The following PCCA variants were observed in gnomAD, a reference collection of about 807,000 sequenced individuals.
PCCA encodes the protein propionyl-CoA carboxylase subunit alpha.
Under a neutral mutation model 101.3 loss-of-function variants are expected in PCCA, and 74 were observed. That is an observed-to-expected ratio of 0.73 (90% CI 0.61 to 0.89). PCCA has a LOEUF of 0.89. Ranked by LOEUF, PCCA falls within the 40% of genes least tolerant of loss-of-function variation. The probability of loss-of-function intolerance (pLI) is 0.00; values close to 1 mark genes in which losing one functional copy is unlikely to be tolerated. For missense variants in PCCA, 891 were observed against 907.0 expected (o/e 0.98, Z 0.23); for synonymous variants, 294 against 313.6 (o/e 0.94, Z 0.66).
intron 1 of PCCA, among the ~76,000 whole-genome samples, chr13:100,097,838 C>A (rs1026190319): frequency 3.3e-5 from 5 of 152,198 alleles, no homozygotes; most frequent in African/African-American, 1.2e-4. Flanking sequence ...ATAGTGAGAA[C>A]CCCCCAGCCG....
chr13:100,493,905 A>G (rs1422365583), intron 21 of PCCA, among the ~76,000 whole-genome samples: 1 of 152,204 alleles, frequency 6.6e-6, no homozygotes, highest in Non-Finnish European at 1.5e-5. Flanking sequence ...AGAAGCAAAC[A>G]TTTGGCTGGG....
At chr13:100,235,719 GA>G (rs904028358) in intron 7 of PCCA, 122 bp from the exon 8 acceptor site, 1 of 729,830 alleles carries the variant, frequency 1.4e-6, no homozygotes, top group African/African-American at 1.7e-5. Context: ...AAAAGGGTTA[GA>G]AGGTAGTAAA....
chr13:100,313,799 T>A lies in PCCA; in HGVS notation c.1429+3891T>A, dbSNP rs377223125. Among the ~76,000 whole-genome samples, 14 of 152,316 alleles carry A rather than the reference T, an allele frequency of 9.2e-5. No homozygotes were observed. In the South Asian group the frequency reaches 2.9e-3, roughly 32 times the overall value. On this transcript the variant is annotated intron_variant, in intron 16 of 23. Coordinates refer to ENST00000376285, the MANE Select transcript of PCCA (RefSeq NM_000282.4). ...TAAAGTTGGTTAGGTCGGATTTTTC[T>A]CAGTGTCATAATTTTTGCAGTGGCC...
chr13:100,345,633 G>A (rs1164883972), intron 18 of PCCA, among the ~76,000 whole-genome samples: 2 of 152,188 alleles, frequency 1.3e-5, no homozygotes, highest in East Asian at 1.9e-4. Flanking sequence ...TAGCATCATC[G>A]ATGAAGGTGG....
chr13:100,217,806 G>T (rs141606281), intron 7 of PCCA, among the ~76,000 whole-genome samples: 2,959 of 150,664 alleles, frequency 0.02, 36 homozygotes, highest in South Asian at 0.034. Context: ...TTGTGTGTGT[G>T]TGGCTGAGTG....
intron 12 of PCCA, among the ~76,000 whole-genome samples, chr13:100,280,486 G>C (rs1482618406): frequency 6.6e-6 from 1 of 151,948 alleles, no homozygotes; most frequent in Non-Finnish European, 1.5e-5. Flanking sequence ...CTCTCACAGT[G>C]AACACTGAGC....
intron 21 of PCCA, among the ~76,000 whole-genome samples, chr13:100,492,100 G>A (rs1336318237): frequency 2.0e-5 from 3 of 152,130 alleles, no homozygotes; most frequent in African/African-American, 7.2e-5. Flanking sequence ...CTGCCCCACA[G>A]GGGCTGCTTA....
chr13:100,457,600 T>G (rs2081842122), intron 21 of PCCA, among the ~76,000 whole-genome samples: 1 of 152,088 alleles, frequency 6.6e-6, no homozygotes, highest in Non-Finnish European at 1.5e-5. Context: ...GAGCTCTGAG[T>G]TTAGAGAACC....
At chr13:100,491,360 T>G in intron 21 of PCCA, 1 of 187,112 alleles carries the variant, frequency 5.3e-6, no homozygotes, top group South Asian at 8.8e-5. Flanking sequence ...TGTGTAACTT[T>G]AATTTGAAAG....
chr13:100,124,549 A>C (rs1477537083), intron 4 of PCCA, among the ~76,000 whole-genome samples: 1 of 152,134 alleles, frequency 6.6e-6, no homozygotes, highest in East Asian at 1.9e-4. Context: ...AGGTGAGGGC[A>C]GTCATCACTT....
At chr13:100,326,637 C>T (rs946139424) in intron 16 of PCCA, among the ~76,000 whole-genome samples, 18 of 151,952 alleles carry the variant, frequency 1.2e-4, no homozygotes, top group African/African-American at 3.9e-4. Context: ...TCCACCTCTC[C>T]TGCCTCTGCA....
At chr13:100,493,487 G>A (rs2085059552) in intron 21 of PCCA, among the ~76,000 whole-genome samples, 2 of 152,160 alleles carry the variant, frequency 1.3e-5, no homozygotes, top group South Asian at 2.1e-4. Flanking sequence ...ACACCAAGAA[G>A]AGAGCCAACC....
chr13:100,186,724 G>A (rs543240705), intron 6 of PCCA, among the ~76,000 whole-genome samples: 1 of 129,200 alleles, frequency 7.7e-6, no homozygotes, highest in Non-Finnish European at 1.7e-5. Flanking sequence ...CTGGGTGAGA[G>A]TGAGATTCCA....
chr13:100,503,778 T>A (rs1312806658), intron 21 of PCCA, among the ~76,000 whole-genome samples: 1 of 152,088 alleles, frequency 6.6e-6, no homozygotes, highest in Admixed American at 6.5e-5. Context: ...CATGGTGGCA[T>A]GTGCCTATGG....
chr13:100,401,329 T>C (rs1166840049), intron 19 of PCCA, among the ~76,000 whole-genome samples: 1 of 152,100 alleles, frequency 6.6e-6, no homozygotes, highest in Non-Finnish European at 1.5e-5. Flanking sequence ...CCACAACCTC[T>C]GCCTCCTGGG....
At chr13:100,149,843 G>T (rs7984538) in intron 4 of PCCA, 2 of 151,950 alleles carry the variant, frequency 1.3e-5, no homozygotes, top group Non-Finnish European at 2.9e-5. Context: ...TATTCAAAAT[G>T]TTTCACTGAG....
chr13:100,101,328 G>T (rs570760990), intron 1 of PCCA, among the ~76,000 whole-genome samples: 1 of 152,102 alleles, frequency 6.6e-6, no homozygotes, highest in Non-Finnish European at 1.5e-5. Context: ...AACCATTACA[G>T]CCTCAGCCTG....
intron 19 of PCCA, among the ~76,000 whole-genome samples, chr13:100,397,395 A>G (rs1204980689): frequency 1.3e-5 from 2 of 152,156 alleles, no homozygotes; most frequent in Non-Finnish European, 2.9e-5. Context: ...TGTGATGTAT[A>G]TTAAAATACC....
intron 7 of PCCA, among the ~76,000 whole-genome samples, chr13:100,218,073 T>TAA (rs368406190): frequency 1.5e-4 from 20 of 137,728 alleles, no homozygotes; most frequent in South Asian, 4.6e-4. Context: ...AGACTCTGTC[T>TAA]AAAAAAAAAA....
Sources: allele counts gnomAD v4.1 joint callset (sites outside exome capture counted in the v4.1 genomes callset), GRCh38; gene constraint gnomAD v4.1.1; transcripts MANE v1.5; gene names NCBI Gene and HGNC (gene_info 2026-07-23, HGNC 2026-07-21).